HSD17B12: variants seen among roughly 807,000 people sequenced by gnomAD.
HSD17B12 encodes the protein very-long-chain 3-oxoacyl-CoA reductase.
Under a neutral mutation model 39.3 loss-of-function variants are expected in HSD17B12, and 32 were observed. The ratio of observed to expected loss-of-function variants is 0.81; its 90% CI spans 0.61 to 1.09. HSD17B12 has a LOEUF of 1.09. Ranked by LOEUF, HSD17B12 falls within the 50% of genes least tolerant of loss-of-function variation. The pLI, the probability that HSD17B12 is intolerant of heterozygous loss-of-function variation, is 0.00. For synonymous variants in HSD17B12, 150 were observed against 146.7 expected (o/e 1.02, Z -0.16); for missense variants, 342 against 382.9 (o/e 0.89, Z 0.89).
At chr11:43,771,027 C>A (rs138774948) in intron 3 of HSD17B12, among the ~76,000 whole-genome samples, 1 of 152,078 alleles carries the variant, frequency 6.6e-6, no homozygotes, top group Non-Finnish European at 1.5e-5. Context: ...CACAAAAATA[C>A]GCATGTACAG....
the HSD17B12 span, among the ~76,000 whole-genome samples, chr11:43,580,615 T>C: frequency 6.6e-6 from 1 of 152,026 alleles, no homozygotes; most frequent in African/African-American, 2.4e-5. Flanking sequence ...GTCTGGATCT[T>C]CTGGCTTGGG....
chr11:43,851,427 G>A (rs961649141), intron 9 of HSD17B12, among the ~76,000 whole-genome samples: 7 of 152,206 alleles, frequency 4.6e-5, no homozygotes, highest in African/African-American at 1.7e-4. Context: ...GTTGAAGGGT[G>A]TACCTAGATG....
chr11:43,802,682 C>T (rs573806875), intron 4 of HSD17B12, among the ~76,000 whole-genome samples: 81 of 152,270 alleles, frequency 5.3e-4, no homozygotes, highest in Non-Finnish European at 1.0e-3. Context: ...TCCTTCTTGG[C>T]TAGGGGAGGG....
chr11:43,681,234 G>A, intron 1 of HSD17B12: 1 of 1,130,638 alleles, frequency 8.8e-7, no homozygotes, highest in Non-Finnish European at 1.1e-6. Flanking sequence ...TCAGCTTAGG[G>A]TGTAGGAGAA....
At position 43,736,451 on chromosome 11, in the gene HSD17B12, TG is replaced by T. The variant is rs1358333854; in HGVS notation, c.161-14456del. Among the ~76,000 whole-genome samples, 11 of 152,178 alleles carry T rather than the reference TG, an allele frequency of 7.2e-5. No homozygotes were observed. In the East Asian group the frequency reaches 2.1e-3, roughly 29 times the overall value. On this transcript the variant is annotated intron_variant, in intron 1 of 10. Transcript: ENST00000278353. Reference sequence around the variant, plus strand: ...AAGAGTCGAAGAGAGGGCTGCTCAGTGGGGAACCTGAAAGGACTGAGTGGGA... The same window carrying T: ...AAGAGTCGAAGAGAGGGCTGCTCAGTGGGAACCTGAAAGGACTGAGTGGGA...
At chr11:43,785,187 G>A (rs11037634) in intron 3 of HSD17B12, among the ~76,000 whole-genome samples, 9,675 of 152,142 alleles carry the variant, frequency 0.064, 425 homozygotes, top group Middle Eastern at 0.18. Context: ...TGCTGGGCCA[G>A]ACAGGTTCGG....
At chr11:43,611,507 A>G in the HSD17B12 span, among the ~76,000 whole-genome samples, 3 of 152,210 alleles carry the variant, frequency 2.0e-5, no homozygotes, top group Non-Finnish European at 4.4e-5. Context: ...ACAATTAAGA[A>G]TTTACTGTAT....
the HSD17B12 span, among the ~76,000 whole-genome samples, chr11:43,608,343 C>T: frequency 6.8e-6 from 1 of 146,796 alleles, no homozygotes; most frequent in African/African-American, 2.5e-5. Context: ...TCCTGGGTGA[C>T]CAGAGTGAGA....
chr11:43,657,946 T>G, the HSD17B12 span, among the ~76,000 whole-genome samples: 1 of 152,250 alleles, frequency 6.6e-6, no homozygotes, highest in Non-Finnish European at 1.5e-5. Flanking sequence ...TTGGCCTGCC[T>G]TGCCAGATTG....
At chr11:43,593,972 A>G in the HSD17B12 span, among the ~76,000 whole-genome samples, 110 of 152,250 alleles carry the variant, frequency 7.2e-4, 2 homozygotes, top group East Asian at 0.02. Flanking sequence ...ATCAATATCA[A>G]GCTTATTTAA....
At chr11:43,609,258 AAC>A in the HSD17B12 span, among the ~76,000 whole-genome samples, 91 of 151,366 alleles carry the variant, frequency 6.0e-4, no homozygotes, top group Non-Finnish European at 9.6e-4. Context: ...TCCTTTTTAG[AAC>A]AGTGAAAAAT....
At chr11:43,789,575 G>A (rs1291335524) in intron 3 of HSD17B12, among the ~76,000 whole-genome samples, 1 of 152,190 alleles carries the variant, frequency 6.6e-6, no homozygotes, top group Non-Finnish European at 1.5e-5. Context: ...TTGACTAGCA[G>A]TGGTGGTGGA....
At chr11:43,587,316 G>GAAA in the HSD17B12 span, among the ~76,000 whole-genome samples, 6 of 125,500 alleles carry the variant, frequency 4.8e-5, no homozygotes, top group African/African-American at 1.3e-4. Context: ...CAGCAAAAAG[G>GAAA]AAAAAAAAAA....
At chr11:43,716,116 C>T (rs1008365741) in intron 1 of HSD17B12, among the ~76,000 whole-genome samples, 2 of 152,132 alleles carry the variant, frequency 1.3e-5, no homozygotes, top group African/African-American at 4.8e-5. Context: ...TTAAAAAATC[C>T]TCTGACTTTT....
At chr11:43,698,286 A>T (rs774198230) in intron 1 of HSD17B12, among the ~76,000 whole-genome samples, 9 of 152,196 alleles carry the variant, frequency 5.9e-5, no homozygotes, top group African/African-American at 2.2e-4. Context: ...GACAGGTTCT[A>T]TGTGGATATC....
At chr11:43,583,012 A>G in the HSD17B12 span, among the ~76,000 whole-genome samples, 2 of 152,210 alleles carry the variant, frequency 1.3e-5, no homozygotes, top group African/African-American at 4.8e-5. Context: ...AGGGAGAGGC[A>G]TAAGAACCAC....
At chr11:43,731,323 T>C (rs560565657) in intron 1 of HSD17B12, among the ~76,000 whole-genome samples, 3 of 152,298 alleles carry the variant, frequency 2.0e-5, no homozygotes, top group East Asian at 1.9e-4. Context: ...ATGAATTAGG[T>C]TGAAATAAGT....
At chr11:43,744,363 A>T (rs1950395014) in intron 1 of HSD17B12, among the ~76,000 whole-genome samples, 1 of 152,170 alleles carries the variant, frequency 6.6e-6, no homozygotes, top group Non-Finnish European at 1.5e-5. Context: ...TGATAAAAAA[A>T]AAAGCAGGTT....
At chr11:43,661,537 G>A in the HSD17B12 span, among the ~76,000 whole-genome samples, 1 of 152,168 alleles carries the variant, frequency 6.6e-6, no homozygotes. Context: ...TGTGAGCCGG[G>A]CATAGTGGTT....
Sources: allele counts gnomAD v4.1 joint callset (sites outside exome capture counted in the v4.1 genomes callset), GRCh38; gene constraint gnomAD v4.1.1; transcripts MANE v1.5; gene names NCBI Gene and HGNC (gene_info 2026-07-23, HGNC 2026-07-21).